Variants in ARFGEF3 observed in about 807,000 individuals in gnomAD.
The protein encoded by ARFGEF3 is brefeldin A-inhibited guanine nucleotide-exchange protein 3.
Under a neutral mutation model 221.7 loss-of-function variants are expected in ARFGEF3, and 96 were observed. That is an observed-to-expected ratio of 0.43 (90% confidence interval 0.37 to 0.51). The LOEUF (loss-of-function observed/expected upper bound fraction) is 0.51, where lower values mean the gene tolerates loss of function less well. ARFGEF3 is among the 20% of genes least tolerant of loss of function. The pLI is 0.00. For missense variants in ARFGEF3, 2,410 were observed against 2,789.9 expected, an observed-to-expected ratio of 0.86 and a Z score of 3.07; for synonymous variants, 1,145 against 1,126.8, an observed-to-expected ratio of 1.02 and a Z score of -0.32.
rs1780083834 is a variant in ARFGEF3 at position 138,324,029 on chromosome 6, C to T, written c.4876C>T (p.Leu1626=). The change falls in exon 31 of 34, where the codon CTG becomes TTG. Residue 1626 remains leucine (L), a synonymous_variant. Coordinates refer to ENST00000251691, the MANE Select transcript of ARFGEF3 (RefSeq NM_020340.5). Reference sequence around the variant, plus strand: ...ATCTGCTGTTTCTCCCCAGGACCTGCTGGGCTGCTTCCACAGCGGCACGGA... The same window carrying T: ...ATCTGCTGTTTCTCCCCAGGACCTGTTGGGCTGCTTCCACAGCGGCACGGA... ...SATLKPVKDL[L]GCFHSGTESF... is the part of the protein sequence containing the mutation. The T allele has an allele frequency of 6.2e-7, 1 of 1,613,336 alleles. No individual in the cohort carries two copies. The highest frequency in any genetic ancestry group is 8.5e-7 in the Non-Finnish European group (1 of 1,179,656).
intron 2 of ARFGEF3, among the ~76,000 whole-genome samples, chr6:138,172,299 C>A (rs1053736328): frequency 1.3e-5 from 2 of 152,230 alleles, no homozygotes; most frequent in Non-Finnish European, 1.5e-5. Context: ...TGGCCCCCAA[C>A]TTCTATAAGT....
chr6:138,241,580 T>A (rs1778393743), intron 6 of ARFGEF3, among the ~76,000 whole-genome samples: 2 of 152,174 alleles, frequency 1.3e-5, no homozygotes, highest in Non-Finnish European at 2.9e-5. Context: ...AGCTCACACT[T>A]TTCCCGGGCG....
chr6:138,241,034 G>A (rs1348510624), intron 6 of ARFGEF3, among the ~76,000 whole-genome samples: 2 of 152,144 alleles, frequency 1.3e-5, no homozygotes, highest in Non-Finnish European at 2.9e-5. Flanking sequence ...ACCCTCTTCC[G>A]AATGAGATGC....
intron 32 of ARFGEF3, among the ~76,000 whole-genome samples, chr6:138,331,652 C>G (rs186892382): frequency 2.2e-4 from 34 of 152,336 alleles, no homozygotes; most frequent in Admixed American, 2.0e-3. Context: ...GCAATTAACT[C>G]TCAATTATCC....
At chr6:138,167,405 A>T (rs1473506999) in intron 1 of ARFGEF3, among the ~76,000 whole-genome samples, 1 of 152,156 alleles carries the variant, frequency 6.6e-6, no homozygotes, top group Non-Finnish European at 1.5e-5. Flanking sequence ...CCTGCTGAAC[A>T]TCTCCACCTG....
At chr6:138,178,245 G>A (rs889325887) in intron 2 of ARFGEF3, among the ~76,000 whole-genome samples, 2 of 152,108 alleles carry the variant, frequency 1.3e-5, no homozygotes, top group African/African-American at 2.4e-5. Context: ...TAGCATACTT[G>A]TCATGGCTCC....
In ARFGEF3 at chr6:138,162,204, A is replaced by AGGGCCGCGCGGCC. The variant is rs1234948484; in HGVS notation, c.85+37_85+49dup. Reference sequence around the variant, plus strand: ...TCCGGCACCTGCTCGCCGCGGCGGGAGGGCCGCGCGGCCGGGGCTGAACCC... The same window carrying AGGGCCGCGCGGCC: ...TCCGGCACCTGCTCGCCGCGGCGGGAGGGCCGCGCGGCCGGGCCGCGCGGCCGGGGCTGAACCC... On this transcript the variant is annotated intron_variant, in intron 1 of 33. Transcript: ENST00000251691. The surrounding 1 kb of genome is among the most constrained non-coding windows in gnomAD (Gnocchi z 4.7). 1 of 1,539,568 alleles carries AGGGCCGCGCGGCC rather than the reference A, an allele frequency of 6.5e-7. No individual in the cohort carries two copies. Among genetic ancestry groups the AGGGCCGCGCGGCC allele is most frequent in the Admixed American group, 1.8e-5 (1 of 56,860 alleles).
At chr6:138,165,817 T>C (rs1776713614) in intron 1 of ARFGEF3, among the ~76,000 whole-genome samples, 1 of 152,242 alleles carries the variant, frequency 6.6e-6, no homozygotes, top group Non-Finnish European at 1.5e-5. Flanking sequence ...CAGATCATTT[T>C]GAGATAGGTG....
rs78575174 is a variant in ARFGEF3 at position 138,235,083 on chromosome 6, C to T, written c.421-3426C>T. Among the ~76,000 whole-genome samples, 90 of 152,154 alleles carry T rather than the reference C, an allele frequency of 5.9e-4. 1 individual carries two copies. The highest frequency in any genetic ancestry group is 2.3e-3 in the Admixed American group (35 of 15,278). The stretch of plus-strand genomic sequence containing the variant: ...ATAATAAATACTTTAGTGATTTCTC[C>T]CTGGGTTTAACCTAGTATTGTTATC... On this transcript the variant is annotated intron_variant, in intron 5 of 33. Coordinates refer to ENST00000251691, the MANE Select transcript of ARFGEF3 (RefSeq NM_020340.5).
At chr6:138,174,678 C>T (rs1347093439) in intron 2 of ARFGEF3, among the ~76,000 whole-genome samples, 2 of 152,022 alleles carry the variant, frequency 1.3e-5, no homozygotes, top group East Asian at 3.9e-4. Flanking sequence ...TACATAATCA[C>T]CTCCAGGTGA....
intron 6 of ARFGEF3, among the ~76,000 whole-genome samples, chr6:138,240,888 T>C (rs552025153): frequency 6.6e-6 from 1 of 152,294 alleles, no homozygotes; most frequent in Non-Finnish European, 1.5e-5. Context: ...TGGGAAACAC[T>C]GAGCATTACC....
chr6:138,199,041 A>G (rs759238766), intron 2 of ARFGEF3, among the ~76,000 whole-genome samples: 4 of 152,192 alleles, frequency 2.6e-5, no homozygotes, highest in Non-Finnish European at 5.9e-5. Context: ...GGAGTTTGAG[A>G]CCAGCCTGGG....
chr6:138,193,109 A>T (rs1777341553), intron 2 of ARFGEF3, among the ~76,000 whole-genome samples: 1 of 152,168 alleles, frequency 6.6e-6, no homozygotes, highest in Non-Finnish European at 1.5e-5. Context: ...CTCCTTTGTG[A>T]AATCATTTCA....
chr6:138,316,902 T>TA (rs1178602089), intron 26 of ARFGEF3, among the ~76,000 whole-genome samples: 3 of 152,206 alleles, frequency 2.0e-5, no homozygotes, highest in Non-Finnish European at 4.4e-5. Flanking sequence ...AATCATTTTT[T>TA]AAAAAAAGAT....
At chr6:138,214,351 A>G (rs1427056326) in intron 4 of ARFGEF3, among the ~76,000 whole-genome samples, 1 of 152,248 alleles carries the variant, frequency 6.6e-6, no homozygotes, top group South Asian at 2.1e-4. Flanking sequence ...GAAATTTCCT[A>G]TAAAAATCTT....
At chr6:138,287,355 T>A (rs557958009) in intron 17 of ARFGEF3, among the ~76,000 whole-genome samples, 171 bp downstream of exon 17, 24 of 152,332 alleles carry the variant, frequency 1.6e-4, no homozygotes, top group Non-Finnish European at 3.5e-4. Flanking sequence ...GTCTCTTCCA[T>A]GTAGGTGACC....
In ARFGEF3 at chr6:138,221,591, T is replaced by C. The variant is rs61605610; in HGVS notation, c.352-8193T>C. ...TAAGACTTGGCCAGGGGAGAAGGTTTAGAAGGGAGAAGAAAATATAAATAA... is the reference window on the plus strand; with the variant it reads ...TAAGACTTGGCCAGGGGAGAAGGTTCAGAAGGGAGAAGAAAATATAAATAA... On this transcript the variant is annotated intron_variant, in intron 4 of 33. Coordinates refer to ENST00000251691, the MANE Select transcript of ARFGEF3 (RefSeq NM_020340.5). Among the ~76,000 whole-genome samples, 1,409 of 152,274 alleles carry C rather than the reference T, an allele frequency of 9.3e-3. 17 individuals carry two copies. Among genetic ancestry groups the C allele is most frequent in the African/African-American group, 0.031 (1,298 of 41,562 alleles).
At chr6:138,205,740 A>G (rs1200974941) in intron 2 of ARFGEF3, among the ~76,000 whole-genome samples, 1 of 152,238 alleles carries the variant, frequency 6.6e-6, no homozygotes, top group Admixed American at 6.5e-5. Flanking sequence ...GTTAACTGTC[A>G]TATAAAAATG....
intron 2 of ARFGEF3, among the ~76,000 whole-genome samples, chr6:138,179,796 G>GT (rs1158598119): frequency 6.6e-6 from 1 of 152,080 alleles, no homozygotes; most frequent in Non-Finnish European, 1.5e-5. Context: ...AGATATGCAA[G>GT]TTTTTTTGGT....
Sources: gnomAD v4.1 joint callset for allele counts (sites outside exome capture counted in the v4.1 genomes callset) on GRCh38, gnomAD v4.1.1 for gene constraint, Gnocchi (gnomAD v3.1) non-coding constraint, MANE v1.5 for transcripts, NCBI Gene and HGNC (gene_info 2026-07-23, HGNC 2026-07-21) for gene names.